Variants in PHF14 observed in about 807,000 individuals in gnomAD.
The protein encoded by PHF14 is PHD finger protein 14.
In PHF14, 55 loss-of-function variants were observed where a neutral mutation model predicts 117.9. That is an observed-to-expected ratio of 0.47 (90% CI 0.38 to 0.58). PHF14 has a LOEUF of 0.58. Ranked by LOEUF, PHF14 falls within the 20% of genes least tolerant of loss-of-function variation. The pLI is 0.00. For missense variants in PHF14, 978 were observed against 1,122.2 expected (o/e 0.87, Z 1.84); for synonymous variants, 409 against 368.6 (o/e 1.11, Z -1.26).
At chr7:11,085,378 G>C (rs925699510) in intron 16 of PHF14, among the ~76,000 whole-genome samples, 5 of 152,020 alleles carry the variant, frequency 3.3e-5, no homozygotes, top group African/African-American at 1.2e-4. Context: ...TGAATATCAG[G>C]ACTGCTGATT....
intron 14 of PHF14, among the ~76,000 whole-genome samples, chr7:11,053,891 G>A (rs1784929056): frequency 6.6e-6 from 1 of 151,328 alleles, no homozygotes; most frequent in African/African-American, 2.4e-5. Flanking sequence ...TAGTTTTCTT[G>A]TTTAAAAGTT....
At chr7:11,132,857 G>C (rs1395271290) in intron 17 of PHF14, among the ~76,000 whole-genome samples, 1 of 151,752 alleles carries the variant, frequency 6.6e-6, no homozygotes, top group Non-Finnish European at 1.5e-5. Context: ...AATGATTAGT[G>C]ATGTTGAGCA....
intron 13 of PHF14, among the ~76,000 whole-genome samples, chr7:11,048,757 G>A (rs1279218936): frequency 2.0e-5 from 3 of 152,176 alleles, no homozygotes; most frequent in Non-Finnish European, 4.4e-5. Context: ...TGGCTAAGAA[G>A]TATTATGTCC....
At position 11,101,180 on chromosome 7, in the gene PHF14, A is replaced by G. The variant is rs150641736; in HGVS notation, c.2655-10170A>G. Among the ~76,000 whole-genome samples, 325 of 152,010 alleles carry G rather than the reference A, an allele frequency of 2.1e-3. 3 individuals are homozygous for G. The highest frequency in any genetic ancestry group is 0.01 in the Middle Eastern group (3 of 294). On this transcript the variant is annotated intron_variant, in intron 16 of 17. Coordinates refer to ENST00000634607, the MANE Select transcript of PHF14 (RefSeq NM_001007157.2). ...TATTAGCAATAGCTTTTTAGTTTTT[A>G]TCAAACTTATCAACTTGAATTTAAT...
intron 3 of PHF14, among the ~76,000 whole-genome samples, chr7:10,985,811 C>G (rs756834532): frequency 6.0e-4 from 91 of 151,864 alleles, no homozygotes; most frequent in Admixed American, 2.2e-3. Context: ...TGCCACCATG[C>G]CCAGCACATT....
At chr7:11,112,018 A>G (rs1787463738) in intron 17 of PHF14, among the ~76,000 whole-genome samples, 1 of 151,972 alleles carries the variant, frequency 6.6e-6, no homozygotes, top group Non-Finnish European at 1.5e-5. Context: ...ATACCCCCAA[A>G]TCAGTTTGAA....
intron 4 of PHF14, among the ~76,000 whole-genome samples, chr7:11,002,691 G>A (rs561554196): frequency 4.2e-4 from 64 of 152,112 alleles, no homozygotes; most frequent in Middle Eastern, 3.4e-3. Flanking sequence ...TGATCCACTC[G>A]CCTCTGCCTC....
Position 11,168,919 on chromosome 7 carries a change from T to C in PHF14, c.2773-497T>C, listed in dbSNP as rs115321100. On this transcript the variant is annotated intron_variant, in intron 17 of 17. Transcript: ENST00000634607. ...CACTTAGAATTGAAACTGTAGAAGATTGTAAGCATTCTAAGCCGACATGCA... is the reference window on the plus strand; with the variant it reads ...CACTTAGAATTGAAACTGTAGAAGACTGTAAGCATTCTAAGCCGACATGCA... Among the ~76,000 whole-genome samples the C allele has an allele frequency of 9.6e-3, 1,464 of 152,160 alleles. 26 individuals carry two copies. The highest frequency in any genetic ancestry group is 0.028 in the African/African-American group (1,171 of 41,496).
chr7:11,146,717 C>T (rs543332873), intron 17 of PHF14, among the ~76,000 whole-genome samples: 11 of 152,182 alleles, frequency 7.2e-5, no homozygotes, highest in Admixed American at 3.9e-4. Context: ...CATTCAGCTC[C>T]GCATGGTCAT....
intron 4 of PHF14, among the ~76,000 whole-genome samples, chr7:11,006,050 C>T (rs1469921154): frequency 6.6e-6 from 1 of 151,910 alleles, no homozygotes; most frequent in Non-Finnish European, 1.5e-5. Context: ...CCTCGGCCTC[C>T]CAAAGTGCTG....
chr7:11,008,616 A>T (rs915378913), intron 4 of PHF14, among the ~76,000 whole-genome samples: 3 of 152,172 alleles, frequency 2.0e-5, no homozygotes, highest in African/African-American at 7.2e-5. Context: ...CCATGGAAAA[A>T]TTGTTTTCCA....
chr7:11,040,129 T>C (rs1784452106), intron 11 of PHF14, among the ~76,000 whole-genome samples: 1 of 152,150 alleles, frequency 6.6e-6, no homozygotes, highest in Non-Finnish European at 1.5e-5. Context: ...ACACTTTTTT[T>C]TTCAGTTGGT....
chr7:11,088,407 C>G (rs911591051), intron 16 of PHF14, among the ~76,000 whole-genome samples: 58 of 112,240 alleles, frequency 5.2e-4, no homozygotes, highest in African/African-American at 2.1e-3. Context: ...CACACAAACA[C>G]ACACACACAC....
chr7:11,006,847 T>A, intron 4 of PHF14: 1 of 650,604 alleles, frequency 1.5e-6, no homozygotes, highest in Non-Finnish European at 2.8e-6. Context: ...GGACAGGAGC[T>A]TCCTTCACTT....
chr7:11,041,018 T>C (rs1434516722), intron 12 of PHF14, among the ~76,000 whole-genome samples: 1 of 151,982 alleles, frequency 6.6e-6, no homozygotes, highest in East Asian at 1.9e-4. Context: ...GGAAAATTAC[T>C]TTAGATAACA....
chr7:11,017,616 G>A (rs1583371598), intron 5 of PHF14, among the ~76,000 whole-genome samples: 1 of 151,756 alleles, frequency 6.6e-6, no homozygotes, highest in African/African-American at 2.4e-5. Flanking sequence ...ATTTTTTCCT[G>A]TGGAGTTATT....
intron 17 of PHF14, 94 bp from the exon 18 acceptor site, chr7:11,169,322 T>A: frequency 1.7e-6 from 1 of 593,608 alleles, no homozygotes; most frequent in Non-Finnish European, 3.0e-6. Context: ...TCACAGTAGT[T>A]CATAGTTCTA....
chr7:11,030,992 T>A (rs1160856711), intron 7 of PHF14, among the ~76,000 whole-genome samples: 1 of 152,224 alleles, frequency 6.6e-6, no homozygotes, highest in African/African-American at 2.4e-5. Flanking sequence ...TAGATGGTTG[T>A]ACTTATGTAC....
At chr7:11,136,450 A>G (rs1222510560) in intron 17 of PHF14, among the ~76,000 whole-genome samples, 2 of 152,196 alleles carry the variant, frequency 1.3e-5, no homozygotes, top group Non-Finnish European at 2.9e-5. Context: ...TATCTGTACT[A>G]TGAATGAATC....
Sources: gnomAD v4.1 joint callset for allele counts (sites outside exome capture counted in the v4.1 genomes callset) on GRCh38, gnomAD v4.1.1 for gene constraint, MANE v1.5 for transcripts, NCBI Gene and HGNC (gene_info 2026-07-23, HGNC 2026-07-21) for gene names.